SLCO1B1: variants seen among roughly 807,000 people sequenced by gnomAD.
The protein encoded by SLCO1B1 is solute carrier organic anion transporter family member 1B1, also known as OATP-2.
SLCO1B1 carries 81 observed loss-of-function variants against 70.1 expected under a neutral mutation model. The ratio of observed to expected loss-of-function variants is 1.16; its 90% confidence interval spans 0.97 to 1.39. The LOEUF (loss-of-function observed/expected upper bound fraction) is 1.39, where lower values mean the gene tolerates loss of function less well. Ranked by LOEUF, SLCO1B1 falls within the 40% of genes most tolerant of loss-of-function variation. SLCO1B1 has a pLI of 0.00. For missense variants in SLCO1B1, 895 were observed against 799.6 expected (o/e 1.12, Z -1.44); for synonymous variants, 283 against 271.5 (o/e 1.04, Z -0.42).
In SLCO1B1 at chr12:21,239,196, A is replaced by G; in HGVS notation, c.*7A>G. On this transcript the variant is annotated 3_prime_UTR_variant, in exon 15 of 15. Coordinates refer to ENST00000256958, the MANE Select transcript of SLCO1B1 (RefSeq NM_006446.5). Reference sequence around the variant, plus strand: ...TAGTGAAACACATTGTTAAGGGGAGAAAAAAAGCCACTTCTGCTTCTGTGT... The same window carrying G: ...TAGTGAAACACATTGTTAAGGGGAGGAAAAAAGCCACTTCTGCTTCTGTGT... 2 of 1,585,692 alleles carry G rather than the reference A, an allele frequency of 1.3e-6. No homozygotes were observed. The highest frequency in any genetic ancestry group is 8.7e-7 in the Non-Finnish European group (1 of 1,154,634).
chr12:21,139,924 A>G (rs1433343251), intron 1 of SLCO1B1, among the ~76,000 whole-genome samples: 2 of 151,382 alleles, frequency 1.3e-5, no homozygotes, highest in Non-Finnish European at 3.0e-5. Flanking sequence ...TCCGGTGCAC[A>G]AGAGTATCTG....
intron 11 of SLCO1B1, among the ~76,000 whole-genome samples, chr12:21,211,653 T>A (rs2121167504): frequency 6.6e-6 from 1 of 152,244 alleles, no homozygotes; most frequent in African/African-American, 2.4e-5. Context: ...TTCCTCCTTG[T>A]ACCTCTGGTA....
rs1441037443 is a variant in SLCO1B1 at position 21,178,708 on chromosome 12, C to A, written c.614C>A (p.Ser205Tyr). ...YIDDFAKEGH[S>Y]SLYLGILNAI... is the part of the protein sequence containing the mutation. ...GATGATTTCGCTAAAGAAGGACATT[C>A]TTCTTTGTATTTAGGTAATGTACAC... Residue 205 changes from serine to tyrosine, a missense_variant, in exon 6 of 15, where the codon TCT becomes TAT. Coordinates refer to ENST00000256958, the MANE Select transcript of SLCO1B1 (RefSeq NM_006446.5). 3 of 1,603,730 alleles carry A rather than the reference C, an allele frequency of 1.9e-6. No homozygotes were observed. The highest frequency in any genetic ancestry group is 3.3e-5 in the Admixed American group (2 of 59,960).
intron 1 of SLCO1B1, among the ~76,000 whole-genome samples, chr12:21,139,194 TA>T (rs879740384): frequency 2.0e-4 from 31 of 151,688 alleles, no homozygotes; most frequent in Non-Finnish European, 4.0e-4. Flanking sequence ...ATAATTTTTT[TA>T]AAAAAAGATT....
At chr12:21,159,573 T>G (rs1438869728) in intron 2 of SLCO1B1, among the ~76,000 whole-genome samples, 1 of 152,066 alleles carries the variant, frequency 6.6e-6, no homozygotes, top group East Asian at 1.9e-4. Context: ...ATTTACATAG[T>G]TTGATGTAGA....
At chr12:21,176,099 A>T (rs1326009772) in intron 4 of SLCO1B1, among the ~76,000 whole-genome samples, 1 of 152,054 alleles carries the variant, frequency 6.6e-6, no homozygotes, top group East Asian at 1.9e-4. Flanking sequence ...TGTCTTTGTG[A>T]CAACTCAGGA....
intron 1 of SLCO1B1, among the ~76,000 whole-genome samples, chr12:21,132,522 G>A (rs537073698): frequency 7.4e-4 from 112 of 152,164 alleles, no homozygotes; most frequent in African/African-American, 2.7e-3. Flanking sequence ...TTTAATGATC[G>A]CTATTCTAAC....
At chr12:21,132,910 G>A (rs1048795934) in intron 1 of SLCO1B1, among the ~76,000 whole-genome samples, 2 of 152,058 alleles carry the variant, frequency 1.3e-5, no homozygotes, top group African/African-American at 2.4e-5. Flanking sequence ...CCTTGCCCAT[G>A]CCTATGTCCT....
At chr12:21,223,742 C>CAA (rs4149104) in intron 13 of SLCO1B1, among the ~76,000 whole-genome samples, 8 of 150,624 alleles carry the variant, frequency 5.3e-5, no homozygotes, top group Admixed American at 1.3e-4. Context: ...CACCACAATA[C>CAA]AAAAAAAAAC....
intron 1 of SLCO1B1, among the ~76,000 whole-genome samples, chr12:21,138,768 C>G (rs1028247831): frequency 3.5e-5 from 1 of 28,472 alleles, no homozygotes; most frequent in South Asian, 3.8e-3. Flanking sequence ...AGCATTACAA[C>G]CAAGAATGGA....
At chr12:21,178,534 T>C in intron 5 of SLCO1B1, 42 bp from the exon 6 acceptor site, 2 of 1,436,630 alleles carry the variant, frequency 1.4e-6, no homozygotes, top group East Asian at 2.3e-5. Context: ...ATAGAAATGC[T>C]AAAATTAATG....
intron 11 of SLCO1B1, among the ~76,000 whole-genome samples, chr12:21,213,911 T>A (rs1591823375): frequency 6.7e-6 from 1 of 149,734 alleles, no homozygotes; most frequent in Admixed American, 6.7e-5. Context: ...GGTTTTCAGC[T>A]CCATCAGCTC....
intron 2 of SLCO1B1, among the ~76,000 whole-genome samples, chr12:21,156,368 C>A (rs1940542896): frequency 6.6e-6 from 1 of 152,000 alleles, no homozygotes; most frequent in African/African-American, 2.4e-5. Context: ...AATTTGTAAG[C>A]AGCTAAATCT....
At chr12:21,191,522 T>C (rs865939059) in intron 7 of SLCO1B1, among the ~76,000 whole-genome samples, 2 of 152,144 alleles carry the variant, frequency 1.3e-5, no homozygotes, top group South Asian at 2.1e-4. Flanking sequence ...CAGGTGTGTG[T>C]GTGTGTGCAT....
intron 2 of SLCO1B1, among the ~76,000 whole-genome samples, chr12:21,168,098 A>G (rs1207711063): frequency 6.6e-6 from 1 of 151,976 alleles, no homozygotes; most frequent in East Asian, 1.9e-4. Flanking sequence ...TGGGATTACA[A>G]GTGTGAGCCA....
chr12:21,190,592 T>C (rs1007502728), intron 7 of SLCO1B1, among the ~76,000 whole-genome samples: 27 of 152,228 alleles, frequency 1.8e-4, no homozygotes, highest in African/African-American at 6.5e-4. Flanking sequence ...AATTCTATAA[T>C]GATAAATTTT....
chr12:21,157,863 G>A (rs1435754283), intron 2 of SLCO1B1, among the ~76,000 whole-genome samples: 1 of 152,132 alleles, frequency 6.6e-6, no homozygotes, highest in Non-Finnish European at 1.5e-5. Flanking sequence ...GCCTCCCACA[G>A]TGCTGGGATT....
intron 2 of SLCO1B1, among the ~76,000 whole-genome samples, chr12:21,151,783 A>G (rs1940473669): frequency 2.0e-5 from 3 of 152,046 alleles, no homozygotes; most frequent in African/African-American, 7.2e-5. Context: ...GGTATGGGGA[A>G]GGTATTTTTT....
At chr12:21,171,993 A>G (rs1036562931) in intron 2 of SLCO1B1, among the ~76,000 whole-genome samples, 2 of 152,216 alleles carry the variant, frequency 1.3e-5, no homozygotes, top group Non-Finnish European at 2.9e-5. Context: ...GAGTTTCAAC[A>G]TATAAATTTG....
Sources: allele counts gnomAD v4.1 joint callset (sites outside exome capture counted in the v4.1 genomes callset), GRCh38; gene constraint gnomAD v4.1.1; transcripts MANE v1.5; gene names NCBI Gene and HGNC (gene_info 2026-07-23, HGNC 2026-07-21).